The following AZIN1 variants were observed in gnomAD, a reference collection of about 807,000 sequenced individuals.
AZIN1 encodes the protein antizyme inhibitor 1.
A neutral mutation model predicts 47.4 loss-of-function variants in AZIN1; 12 were observed. That is an observed-to-expected ratio of 0.25 (90% confidence interval 0.16 to 0.41). AZIN1 has a LOEUF of 0.41. Among genes scored for constraint, AZIN1 ranks in the 10% least tolerant of loss-of-function variants. AZIN1 has a pLI of 1.00. For missense variants in AZIN1, 410 were observed against 532.4 expected, an observed-to-expected ratio of 0.77 and a Z score of 2.26; for synonymous variants, 155 against 176.3, an observed-to-expected ratio of 0.88 and a Z score of 0.96.
intron 7 of AZIN1, among the ~76,000 whole-genome samples, 158 bp downstream of exon 7, chr8:102,834,508 G>A (rs149786322): frequency 1.2e-3 from 176 of 152,312 alleles, no homozygotes; most frequent in African/African-American, 3.9e-3. Flanking sequence ...CTTAAAAGGT[G>A]TGACTGTACA....
rs117077388 is a variant in AZIN1 at position 102,864,145 on chromosome 8, G to A, written c.-572C>T. 890 of 172,010 alleles carry A rather than the reference G, an allele frequency of 5.2e-3. 15 individuals are homozygous for A. The East Asian group carries it at 0.06, about 12-fold the overall frequency. The allele number at this position is 172,010 out of a possible 1,614,324, so 10.7% of individuals were successfully genotyped here. ...AGAAAAAAGGAAAAACTGCGGCCGC[G>A]ATCAGAGCCTGAAAGTGTGAGAAGG... On this transcript the variant is annotated 5_prime_UTR_variant, in exon 1 of 12. Coordinates refer to ENST00000337198, the MANE Select transcript of AZIN1 (RefSeq NM_148174.4).
intron 3 of AZIN1, among the ~76,000 whole-genome samples, chr8:102,843,205 C>CAA (rs10713233): frequency 2.6e-4 from 25 of 97,246 alleles, no homozygotes; most frequent in African/African-American, 5.1e-4. Flanking sequence ...GACTCGTCTC[C>CAA]AAAAAAAAAA....
intron 8 of AZIN1, 136 bp downstream of exon 8, chr8:102,834,053 T>C: frequency 1.5e-6 from 1 of 646,286 alleles, no homozygotes; most frequent in Non-Finnish European, 2.6e-6. Context: ...TGCCTATTCC[T>C]TTTCTAAGAA....
chr8:102,856,246 G>A (rs1383143647), intron 2 of AZIN1, among the ~76,000 whole-genome samples: 1 of 152,118 alleles, frequency 6.6e-6, no homozygotes, highest in Non-Finnish European at 1.5e-5. Flanking sequence ...CATGCAAAAT[G>A]AGAAGATTAC....
At chr8:102,858,592 A>G (rs997604752) in intron 1 of AZIN1, among the ~76,000 whole-genome samples, 43 of 152,172 alleles carry the variant, frequency 2.8e-4, no homozygotes, top group Non-Finnish European at 1.9e-4. Flanking sequence ...AACCACCCAG[A>G]ACACTCTTTT....
chr8:102,847,362 A>T (rs1179174718), intron 2 of AZIN1, among the ~76,000 whole-genome samples: 1 of 146,390 alleles, frequency 6.8e-6, no homozygotes, highest in Non-Finnish European at 1.5e-5. Flanking sequence ...AAAAAAAAAA[A>T]AAAAAAACAA....
chr8:102,839,636 T>C lies in AZIN1; in HGVS notation c.276+14A>G, dbSNP rs778549697. On this transcript the variant is annotated intron_variant, in intron 4 of 11. Coordinates refer to ENST00000337198, the MANE Select transcript of AZIN1 (RefSeq NM_148174.4). ...TCAATGTTTCAGTTTAGTTAAAAAA[T>C]GAAAAATACTTACTTTACTGGAACA... The C allele has an allele frequency of 2.0e-6, 3 of 1,511,524 alleles. No individual in the cohort carries two copies. Among genetic ancestry groups the C allele is most frequent in the Non-Finnish European group, 1.8e-6 (2 of 1,124,344 alleles). 93.6% of individuals were successfully genotyped at this position (1,511,524 alleles called of 1,614,324 possible).
intron 2 of AZIN1, among the ~76,000 whole-genome samples, chr8:102,856,600 T>G (rs777095025): frequency 5.9e-5 from 9 of 152,246 alleles, no homozygotes; most frequent in Non-Finnish European, 1.0e-4. Context: ...AGAAGGATTA[T>G]CTTTTATTAC....
intron 2 of AZIN1, chr8:102,855,402 A>G (rs1315235520): frequency 2.0e-5 from 3 of 152,136 alleles, no homozygotes; most frequent in Admixed American, 1.3e-4. Context: ...TTTCACAATT[A>G]GGGGCCCATT....
chr8:102,847,431 G>A (rs1160247733), intron 2 of AZIN1, among the ~76,000 whole-genome samples: 1 of 151,568 alleles, frequency 6.6e-6, no homozygotes, highest in Admixed American at 6.6e-5. Flanking sequence ...TGAGATTGCT[G>A]TAAATTCCTA....
rs1419016965 is a variant in AZIN1, at chr8:102,839,046, C to CAAT, written c.277-133_277-131dup. ...ACTCTTTGTATTCCAGGCTGAAGTGCAATAGCACAATCATAGCTCAATGCA... is the reference window on the plus strand; with the variant it reads ...ACTCTTTGTATTCCAGGCTGAAGTGCAATAATAGCACAATCATAGCTCAATGCA... On this transcript the variant is annotated intron_variant, in intron 4 of 11. Coordinates refer to ENST00000337198, the MANE Select transcript of AZIN1 (RefSeq NM_148174.4). The CAAT allele has an allele frequency of 3.9e-6, 3 of 769,326 alleles. No individual in the cohort carries two copies. The African/African-American group carries it at 5.3e-5, about 14-fold the overall frequency. 47.7% of individuals were successfully genotyped at this position (769,326 alleles called of 1,614,324 possible).
chr8:102,852,309 C>T lies in AZIN1; in HGVS notation c.-96+5704G>A, dbSNP rs1363173397. Among the ~76,000 whole-genome samples, 4 of 152,172 alleles carry T rather than the reference C, an allele frequency of 2.6e-5. No homozygotes were observed. The East Asian group carries it at 5.8e-4, about 22-fold the overall frequency. On this transcript the variant is annotated intron_variant, in intron 2 of 11. Coordinates refer to ENST00000337198, the MANE Select transcript of AZIN1 (RefSeq NM_148174.4). ...AAGCTCATACTGCCAAGCATGGTGG[C>T]TCACGCCTGTAATCCCAGCACTTTG...
At chr8:102,842,324 C>T (rs111961323) in intron 3 of AZIN1, among the ~76,000 whole-genome samples, 2,070 of 152,262 alleles carry the variant, frequency 0.014, 40 homozygotes, top group Middle Eastern at 0.041. Context: ...TAATCCAACA[C>T]TCTGGGAGGC....
intron 11 of AZIN1, 113 bp downstream of exon 11, chr8:102,829,159 G>A: frequency 6.7e-6 from 6 of 888,936 alleles, no homozygotes. Flanking sequence ...CACTGTATAG[G>A]CAATACATGA....
intron 2 of AZIN1, among the ~76,000 whole-genome samples, chr8:102,850,743 C>T (rs1213927936): frequency 1.3e-5 from 2 of 152,140 alleles, no homozygotes; most frequent in Non-Finnish European, 2.9e-5. Flanking sequence ...ATGCATACCC[C>T]TAAACTTATT....
intron 2 of AZIN1, among the ~76,000 whole-genome samples, chr8:102,847,711 T>C (rs917565251): frequency 6.6e-6 from 1 of 152,082 alleles, no homozygotes; most frequent in African/African-American, 2.4e-5. Flanking sequence ...TCAGTCCCTG[T>C]AGCTGAGACT....
chr8:102,829,566 T>C, intron 10 of AZIN1, 80 bp from the exon 11 acceptor site: 1 of 1,306,038 alleles, frequency 7.7e-7, no homozygotes. Flanking sequence ...GTATTTTCAC[T>C]GTCTCAGATC....
intron 3 of AZIN1, among the ~76,000 whole-genome samples, chr8:102,840,066 T>C (rs1033524296): frequency 3.3e-5 from 5 of 152,222 alleles, no homozygotes; most frequent in Non-Finnish European, 7.3e-5. Context: ...ATATAAAATA[T>C]TCTCCCCTTT....
At position 102,829,319 on chromosome 8, in the gene AZIN1, A is replaced by G. The variant is rs765871216; in HGVS notation, c.1188T>C (p.Asn396=). 1.2e-6 allele frequency: 2 copies of G among 1,613,984 alleles called. No homozygotes were observed. The highest frequency in any genetic ancestry group is 1.1e-5 in the South Asian group (1 of 91,074). The change falls in exon 11 of 12, where the codon AAT becomes AAC. Residue 396 remains asparagine (N), a synonymous_variant. Coordinates refer to ENST00000337198, the MANE Select transcript of AZIN1 (RefSeq NM_148174.4). ...AATAAATGGCTGGCCTCTGAAAATC[A>G]TTAAAAGCAGATGGTTCATGGAAAG... ...ADSFHEPSAF[N]DFQRPAIYYM... is the part of the protein sequence containing the mutation.
Sources: gnomAD v4.1 joint callset for allele counts (sites outside exome capture counted in the v4.1 genomes callset) on GRCh38, gnomAD v4.1.1 for gene constraint, MANE v1.5 for transcripts, NCBI Gene and HGNC (gene_info 2026-07-23, HGNC 2026-07-21) for gene names.